The following PARK7 variants were observed in gnomAD, a reference collection of about 807,000 sequenced individuals.
PARK7 encodes Parkinsonism associated deglycase, also known as Parkinson disease protein 7.
A neutral mutation model predicts 20.5 loss-of-function variants in PARK7; 14 were observed. The ratio of observed to expected loss-of-function variants is 0.68; its 90% CI spans 0.45 to 1.07. The LOEUF (loss-of-function observed/expected upper bound fraction) is 1.07. PARK7 is among the 50% of genes least tolerant of loss of function. The probability of loss-of-function intolerance (pLI) is 0.00; values close to 1 mark genes in which losing one functional copy is unlikely to be tolerated. For synonymous variants in PARK7, 98 were observed against 84.3 expected, an observed-to-expected ratio of 1.16 and a Z score of -0.89; for missense variants, 234 against 238.1, an observed-to-expected ratio of 0.98 and a Z score of 0.11.
chr1:7,969,911 T>G (rs1640426870), intron 4 of PARK7, among the ~76,000 whole-genome samples: 1 of 152,076 alleles, frequency 6.6e-6, no homozygotes, highest in Non-Finnish European at 1.5e-5. Context: ...TCTATGGAGG[T>G]CAGGTGCAGT....
chr1:7,965,273 C>T, intron 2 of PARK7, 51 bp from the exon 3 acceptor site: 1 of 1,513,878 alleles, frequency 6.6e-7, no homozygotes, highest in Non-Finnish European at 9.2e-7. Context: ...GACAGTGTTA[C>T]TCTGAATTTA....
In PARK7 at chr1:7,969,259, A is replaced by G. The variant is rs41278962; in HGVS notation, c.193-86A>G. On this transcript the variant is annotated intron_variant, in intron 3 of 6. Coordinates refer to ENST00000338639, the MANE Select transcript of PARK7 (RefSeq NM_007262.5). ...CTATCTCCTGTACTTCCCACATTTA[A>G]AATAGGAAAGTATTATTGGACTGTC... The G allele has an allele frequency of 0.042, 47,062 of 1,115,954 alleles. 1,234 individuals are homozygous for G. The highest frequency in any genetic ancestry group is 0.051 in the Non-Finnish European group (38,593 of 749,814). The allele number at this position is 1,115,954 out of a possible 1,614,324, so 69.1% of individuals were successfully genotyped here.
intron 1 of PARK7, among the ~76,000 whole-genome samples, chr1:7,962,263 C>T (rs1007068699): frequency 5.4e-4 from 82 of 152,036 alleles, no homozygotes; most frequent in African/African-American, 1.9e-3. Context: ...CTGTTGACCC[C>T]CACACACAAT....
At chr1:7,969,998 C>A (rs577325320) in intron 4 of PARK7, among the ~76,000 whole-genome samples, 18 of 152,080 alleles carry the variant, frequency 1.2e-4, no homozygotes, top group East Asian at 9.7e-4. Flanking sequence ...TTGAGACCAG[C>A]CTAAGTAACA....
intron 1 of PARK7, chr1:7,962,082 G>A (rs1640215550): frequency 6.6e-6 from 1 of 152,498 alleles, no homozygotes; most frequent in Non-Finnish European, 1.5e-5. Context: ...TGCGTGGACG[G>A]TAAACCCTCC....
chr1:7,979,969 C>T (rs1640676320), intron 6 of PARK7, among the ~76,000 whole-genome samples: 1 of 151,962 alleles, frequency 6.6e-6, no homozygotes, highest in African/African-American at 2.4e-5. Context: ...ACCATCCTGG[C>T]TAACACGGTG....
intron 5 of PARK7, 91 bp downstream of exon 5, chr1:7,971,054 T>G: frequency 2.2e-6 from 3 of 1,339,678 alleles, no homozygotes; most frequent in Non-Finnish European, 3.2e-6. Context: ...CTCTTCCCCT[T>G]CATAAAGCAT....
intron 5 of PARK7, among the ~76,000 whole-genome samples, chr1:7,975,986 A>G (rs993904274): frequency 6.6e-6 from 1 of 152,256 alleles, no homozygotes; most frequent in East Asian, 1.9e-4. Flanking sequence ...TTTAAGAGCT[A>G]TAAATCAGGA....
chr1:7,968,673 A>G lies in PARK7; in HGVS notation c.193-672A>G, dbSNP rs184848439. Among the ~76,000 whole-genome samples the G allele has an allele frequency of 1.3e-4, 20 of 152,058 alleles. No homozygotes were observed. In the East Asian group the frequency reaches 3.7e-3, roughly 28 times the overall value. ...TGGGACCACAGGTGTGCACCACCAC[A>G]CCCAGCTAATTTTCATATTTTTAGT... On this transcript the variant is annotated intron_variant, in intron 3 of 6. Coordinates refer to ENST00000338639, the MANE Select transcript of PARK7 (RefSeq NM_007262.5).
intron 5 of PARK7, 49 bp from the exon 6 acceptor site, chr1:7,977,603 C>A: frequency 6.5e-7 from 1 of 1,540,018 alleles, no homozygotes; most frequent in Non-Finnish European, 9.0e-7. Flanking sequence ...ATTTTTTAAA[C>A]ATGGGCTTTT....
chr1:7,963,725 G>C (rs1015248122), intron 2 of PARK7, among the ~76,000 whole-genome samples: 1 of 151,840 alleles, frequency 6.6e-6, no homozygotes, highest in Non-Finnish European at 1.5e-5. Flanking sequence ...TACATTTGAA[G>C]CCCCCTTTGT....
At chr1:7,969,439 CT>C (rs1288586585) in intron 4 of PARK7, 35 bp downstream of exon 4, 4 of 1,337,838 alleles carry the variant, frequency 3.0e-6, no homozygotes, top group South Asian at 2.4e-5. Flanking sequence ...CTCAATAAAG[CT>C]GGGGGGGGGG....
chr1:7,984,438 C>T lies in PARK7; in HGVS notation c.410-456C>T, dbSNP rs75199396. 0.021 allele frequency among the ~76,000 whole-genome samples: 3,144 copies of T among 152,306 alleles called. 108 individuals are homozygous for T. Among genetic ancestry groups the T allele is most frequent in the African/African-American group, 0.071 (2,944 of 41,552 alleles). ...GCACACGCACACTCACATGCATACC[C>T]GCCTCCATTACGTTGTGCTGTGGTT... On this transcript the variant is annotated intron_variant, in intron 6 of 6. Coordinates refer to ENST00000338639, the MANE Select transcript of PARK7 (RefSeq NM_007262.5). This position sits in a 1 kb window ranked among gnomAD's most constrained non-coding sequence, Gnocchi z 4.3.
intron 6 of PARK7, among the ~76,000 whole-genome samples, chr1:7,978,878 C>T (rs1457462573): frequency 6.6e-6 from 1 of 150,914 alleles, no homozygotes; most frequent in Non-Finnish European, 1.5e-5. Flanking sequence ...TCTTGTGTAC[C>T]TGTAGAATTT....
intron 5 of PARK7, among the ~76,000 whole-genome samples, chr1:7,976,583 T>C (rs746268066): frequency 1.4e-4 from 21 of 152,228 alleles, no homozygotes; most frequent in Non-Finnish European, 3.1e-4. Context: ...GTGATGCTAG[T>C]GCCTTTATAT....
intron 6 of PARK7, among the ~76,000 whole-genome samples, chr1:7,981,962 C>T (rs1307073601): frequency 3.5e-5 from 5 of 144,896 alleles, no homozygotes; most frequent in African/African-American, 7.6e-5. Context: ...CCAGCCCCCC[C>T]GCCTTTTTTT....
intron 6 of PARK7, among the ~76,000 whole-genome samples, chr1:7,978,679 C>T (rs917408482): frequency 3.3e-5 from 5 of 152,166 alleles, no homozygotes; most frequent in Middle Eastern, 3.4e-3. Flanking sequence ...TCCATCTCTA[C>T]TAAAAATACA....
Position 7,984,896 on chromosome 1 carries a change from C to T in PARK7, c.412C>T (p.His138Tyr). 1.2e-6 allele frequency: 2 copies of T among 1,614,122 alleles called. No individual in the cohort carries two copies. Among genetic ancestry groups the T allele is most frequent in the Non-Finnish European group, 1.7e-6 (2 of 1,180,034 alleles). The change falls in exon 7 of 7, where the codon CAT becomes TAT. Residue 138 changes from histidine (H) to tyrosine (Y), a missense_variant and splice_region_variant. Physicochemically the swap from His to Tyr is moderately conservative, Grantham distance 83 (BLOSUM62 2). Coordinates refer to ENST00000338639, the MANE Select transcript of PARK7 (RefSeq NM_007262.5). This position sits in a 1 kb window ranked among gnomAD's most constrained non-coding sequence, Gnocchi z 4.3. ...CCTTTTCTGTTTCTACTTTGCAGGT[C>T]ATTACACCTACTCTGAGAATCGTGT... ...LAKDKMMNGG[H>Y]YTYSENRVEK...
chr1:7,981,240 G>A (rs1374149718), intron 6 of PARK7, among the ~76,000 whole-genome samples: 1 of 152,154 alleles, frequency 6.6e-6, no homozygotes, highest in African/African-American at 2.4e-5. Context: ...CGTTGCCTGA[G>A]GATAAACCTG....
Sources: gnomAD v4.1 joint callset for allele counts (sites outside exome capture counted in the v4.1 genomes callset) on GRCh38, gnomAD v4.1.1 for gene constraint, Gnocchi (gnomAD v3.1) non-coding constraint, MANE v1.5 for transcripts, NCBI Gene and HGNC (gene_info 2026-07-23, HGNC 2026-07-21) for gene names.